NXPH1: variants seen among roughly 807,000 people sequenced by gnomAD.
NXPH1 encodes the protein neurexophilin 1, also known as neurexophilin-1.
Under a neutral mutation model 23.7 loss-of-function variants are expected in NXPH1, and 5 were observed. The observed-to-expected ratio is 0.21, with a 90% CI of 0.11 to 0.44. The LOEUF (loss-of-function observed/expected upper bound fraction) is 0.44, where lower values mean the gene tolerates loss of function less well. Among genes scored for constraint, NXPH1 ranks in the 20% least tolerant of loss-of-function variants. NXPH1 has a pLI of 0.99. For missense variants in NXPH1, 324 were observed against 321.6 expected (o/e 1.01, Z -0.06); for synonymous variants, 144 against 122.2 (o/e 1.18, Z -1.18).
At position 8,634,248 on chromosome 7, in the gene NXPH1, A is replaced by G. The variant is rs1820180225; in HGVS notation, c.55-116760A>G. ...CCATGCTGTTCTCATGATAGTGAAT[A>G]TCTCATGAGAACTGATGGTTTCATA... On this transcript the variant is annotated intron_variant, in intron 2 of 2. Transcript: ENST00000405863. Among the ~76,000 whole-genome samples the G allele has an allele frequency of 5.3e-5, 8 of 151,998 alleles. No individual in the cohort carries two copies. The South Asian group carries it at 1.7e-3, about 32-fold the overall frequency.
intron 2 of NXPH1, among the ~76,000 whole-genome samples, chr7:8,565,877 A>C (rs1368225640): frequency 2.6e-5 from 4 of 151,764 alleles, no homozygotes; most frequent in Non-Finnish European, 5.9e-5. Flanking sequence ...AAAGTTGTTA[A>C]AGTATTCATT....
chr7:8,733,689 G>A (rs1203951339), intron 2 of NXPH1, among the ~76,000 whole-genome samples: 1 of 152,108 alleles, frequency 6.6e-6, no homozygotes, highest in Non-Finnish European at 1.5e-5. Flanking sequence ...CTTTCGAGAA[G>A]TGTCTGTTCA....
chr7:8,625,231 A>G (rs1430646968), intron 2 of NXPH1, among the ~76,000 whole-genome samples: 4 of 152,202 alleles, frequency 2.6e-5, no homozygotes, highest in Admixed American at 2.6e-4. Context: ...AGCAAAATGT[A>G]ACTTGACTGA....
At chr7:8,654,877 G>A (rs1010340033) in intron 2 of NXPH1, among the ~76,000 whole-genome samples, 2 of 152,192 alleles carry the variant, frequency 1.3e-5, no homozygotes, top group Non-Finnish European at 2.9e-5. Flanking sequence ...GATTTTGACA[G>A]ATTCTTCCTG....
intron 2 of NXPH1, among the ~76,000 whole-genome samples, chr7:8,695,698 C>T (rs1051988050): frequency 2.6e-5 from 4 of 152,204 alleles, no homozygotes; most frequent in East Asian, 3.9e-4. Context: ...CATAGTTAAA[C>T]GTTTACTACC....
chr7:8,599,949 G>A (rs1819319689), intron 2 of NXPH1, among the ~76,000 whole-genome samples: 1 of 151,998 alleles, frequency 6.6e-6, no homozygotes, highest in Non-Finnish European at 1.5e-5. Flanking sequence ...AATTTTGGAG[G>A]AAGAGCTTAA....
chr7:8,498,036 T>G (rs1353691036), intron 2 of NXPH1, among the ~76,000 whole-genome samples: 1 of 152,128 alleles, frequency 6.6e-6, no homozygotes, highest in East Asian at 1.9e-4. Context: ...AACTGAAGTT[T>G]CCTCCTCTGT....
rs529926379 is a variant in NXPH1 at position 8,711,551 on chromosome 7, T to C, written c.55-39457T>C. On this transcript the variant is annotated intron_variant, in intron 2 of 2. Transcript: ENST00000405863. ...CAGGTTAAGTGTCAGAATAATGGTG[T>C]CAACATGGGCTGGCACAATTTATGG... is the stretch of plus-strand genomic sequence containing the variant. 9.2e-5 allele frequency among the ~76,000 whole-genome samples: 14 copies of C among 152,276 alleles called. No individual in the cohort carries two copies. The East Asian group carries it at 2.5e-3, about 27-fold the overall frequency.
chr7:8,662,406 TG>T (rs59865520), intron 2 of NXPH1, among the ~76,000 whole-genome samples: 1 of 151,890 alleles, frequency 6.6e-6, no homozygotes, highest in East Asian at 1.9e-4. Context: ...CCTTAAACTA[TG>T]GGGATAAGTT....
At chr7:8,541,857 A>G (rs1404043427) in intron 2 of NXPH1, among the ~76,000 whole-genome samples, 2 of 151,664 alleles carry the variant, frequency 1.3e-5, no homozygotes, top group African/African-American at 4.8e-5. Context: ...AACTAAAATA[A>G]CAAAACTAAC....
At chr7:8,565,070 A>G (rs1818515650) in intron 2 of NXPH1, among the ~76,000 whole-genome samples, 1 of 151,736 alleles carries the variant, frequency 6.6e-6, no homozygotes, top group African/African-American at 2.4e-5. Context: ...TTCCTGCCCA[A>G]TCACCTGTGG....
chr7:8,673,229 A>G (rs2115171175), intron 2 of NXPH1, among the ~76,000 whole-genome samples: 1 of 152,318 alleles, frequency 6.6e-6, no homozygotes, highest in South Asian at 2.1e-4. Flanking sequence ...TATAAATAGG[A>G]GCAAAAGTTA....
intron 2 of NXPH1, among the ~76,000 whole-genome samples, chr7:8,495,987 A>G (rs1284825702): frequency 6.6e-6 from 1 of 152,048 alleles, no homozygotes; most frequent in Non-Finnish European, 1.5e-5. Context: ...GAAGGCACAG[A>G]GGGTTCCTGT....
chr7:8,642,666 T>A (rs1480245305), intron 2 of NXPH1, among the ~76,000 whole-genome samples: 1 of 152,218 alleles, frequency 6.6e-6, no homozygotes, highest in East Asian at 1.9e-4. Flanking sequence ...ATATCATCAA[T>A]AAATAATGAC....
chr7:8,498,836 A>G lies in NXPH1; in HGVS notation c.54+63069A>G, dbSNP rs1817383707. Among the ~76,000 whole-genome samples the G allele has an allele frequency of 2.6e-5, 4 of 152,156 alleles. No homozygotes were observed. The South Asian group carries it at 8.3e-4, about 32-fold the overall frequency. ...ATAAGATTTAGACCTAGGAAAGGGA[A>G]ATGTGATGTCAGTCAAATAGAATGT... is the stretch of plus-strand genomic sequence containing the variant. On this transcript the variant is annotated intron_variant, in intron 2 of 2. Transcript: ENST00000405863.
chr7:8,662,998 A>G (rs891545501), intron 2 of NXPH1, among the ~76,000 whole-genome samples: 1 of 152,112 alleles, frequency 6.6e-6, no homozygotes, highest in Non-Finnish European at 1.5e-5. Context: ...TGCTAAAGGA[A>G]GGTATGAGTG....
intron 2 of NXPH1, among the ~76,000 whole-genome samples, chr7:8,682,668 A>G (rs1028241269): frequency 6.6e-6 from 1 of 152,208 alleles, no homozygotes; most frequent in Non-Finnish European, 1.5e-5. Flanking sequence ...GCTTAATGGA[A>G]ATGAGTACCC....
At chr7:8,502,913 G>T (rs1053083833) in intron 2 of NXPH1, among the ~76,000 whole-genome samples, 1 of 151,966 alleles carries the variant, frequency 6.6e-6, no homozygotes, top group African/African-American at 2.4e-5. Flanking sequence ...GCTAGGTGGG[G>T]CTGGCCACTT....
chr7:8,471,275 T>A (rs2128608361), intron 2 of NXPH1, among the ~76,000 whole-genome samples: 1 of 152,300 alleles, frequency 6.6e-6, no homozygotes, highest in East Asian at 1.9e-4. Flanking sequence ...CAAGAAAAGC[T>A]GTGCTTAAGG....
Sources: allele counts gnomAD v4.1 joint callset (sites outside exome capture counted in the v4.1 genomes callset), GRCh38; gene constraint gnomAD v4.1.1; transcripts MANE v1.5; gene names NCBI Gene and HGNC (gene_info 2026-07-23, HGNC 2026-07-21).